Variants in RARB observed in about 807,000 individuals in gnomAD.
RARB encodes the protein HBV-activated protein.
In RARB, 17 loss-of-function variants were observed where a neutral mutation model predicts 51.9. That is an observed-to-expected ratio of 0.33 (90% CI 0.22 to 0.49). The LOEUF (loss-of-function observed/expected upper bound fraction) is 0.49, where lower values mean the gene tolerates loss of function less well. Among genes scored for constraint, RARB ranks in the 20% least tolerant of loss-of-function variants. The pLI is 0.99. For synonymous variants in RARB, 215 were observed against 195.4 expected, an observed-to-expected ratio of 1.10 and a Z score of -0.84; for missense variants, 369 against 550.8, an observed-to-expected ratio of 0.67 and a Z score of 3.30.
At chr3:25,543,750 G>A (rs866519843) in intron 3 of RARB, among the ~76,000 whole-genome samples, 4 of 152,310 alleles carry the variant, frequency 2.6e-5, no homozygotes, top group Admixed American at 1.3e-4. Flanking sequence ...GACGAGAAGA[G>A]CAGTCAGCTC....
At chr3:25,259,037 G>A (rs1702935226) in intron 5 of RARB, 1 of 985,116 alleles carries the variant, frequency 1.0e-6, no homozygotes, top group African/African-American at 1.7e-5. Context: ...GATATTAGTA[G>A]GCAGGAACCA....
At chr3:24,913,146 A>G (rs973234130) in intron 2 of RARB, among the ~76,000 whole-genome samples, 1 of 150,942 alleles carries the variant, frequency 6.6e-6, no homozygotes, top group African/African-American at 2.4e-5. Flanking sequence ...ACGCCCGGCT[A>G]ATTTTGTTTT....
At chr3:25,066,489 A>AG (rs1698664738) in intron 3 of RARB, among the ~76,000 whole-genome samples, 1 of 152,196 alleles carries the variant, frequency 6.6e-6, no homozygotes, top group South Asian at 2.1e-4. Context: ...CAGTATGGGC[A>AG]AATCCAGGAG....
intron 3 of RARB, among the ~76,000 whole-genome samples, chr3:25,079,713 G>A (rs928826989): frequency 6.6e-6 from 1 of 151,956 alleles, no homozygotes; most frequent in African/African-American, 2.4e-5. Context: ...TATTACTTTT[G>A]TTTTAGAATA....
chr3:25,135,207 A>G (rs1320758781), intron 4 of RARB, among the ~76,000 whole-genome samples: 1 of 151,984 alleles, frequency 6.6e-6, no homozygotes, highest in East Asian at 1.9e-4. Context: ...TTGAGCGCTC[A>G]AAAATAGCTA....
At chr3:25,344,270 G>T (rs1409001130) in intron 5 of RARB, among the ~76,000 whole-genome samples, 1 of 152,044 alleles carries the variant, frequency 6.6e-6, no homozygotes, top group African/African-American at 2.4e-5. Context: ...GAAAAAATTT[G>T]GTGCTTTGTT....
chr3:25,444,336 G>T (rs1394012484), intron 1 of RARB, among the ~76,000 whole-genome samples: 1 of 152,212 alleles, frequency 6.6e-6, no homozygotes, highest in African/African-American at 2.4e-5. Flanking sequence ...AGGGAAGAGG[G>T]ATGGGGAAGA....
intron 5 of RARB, among the ~76,000 whole-genome samples, chr3:25,381,978 C>A (rs1559379056): frequency 6.6e-6 from 1 of 152,196 alleles, no homozygotes; most frequent in Non-Finnish European, 1.5e-5. Flanking sequence ...ACCAGCAACA[C>A]CCCGAGCCAT....
chr3:25,107,215 C>G (rs962947931), intron 3 of RARB, among the ~76,000 whole-genome samples: 74 of 152,076 alleles, frequency 4.9e-4, no homozygotes, highest in African/African-American at 1.8e-3. Flanking sequence ...CTGCCTTTTC[C>G]TTTGCCATCA....
intron 5 of RARB, among the ~76,000 whole-genome samples, chr3:25,413,941 A>G (rs1477681011): frequency 1.3e-5 from 2 of 152,216 alleles, no homozygotes; most frequent in Non-Finnish European, 2.9e-5. Context: ...TAAAGTGTAA[A>G]ATGTGTAAGT....
At chr3:24,923,205 T>C (rs1451005237) in intron 2 of RARB, among the ~76,000 whole-genome samples, 2 of 152,186 alleles carry the variant, frequency 1.3e-5, no homozygotes, top group East Asian at 3.9e-4. Flanking sequence ...CATAAATATA[T>C]AGTTTAATTC....
intron 2 of RARB, among the ~76,000 whole-genome samples, chr3:24,893,045 G>C (rs1418113235): frequency 1.3e-5 from 2 of 152,138 alleles, no homozygotes; most frequent in Non-Finnish European, 2.9e-5. Flanking sequence ...ATAATACTAG[G>C]GTGATGTTTA....
At chr3:25,288,947 A>G (rs1703719201) in intron 5 of RARB, among the ~76,000 whole-genome samples, 1 of 152,114 alleles carries the variant, frequency 6.6e-6, no homozygotes, top group East Asian at 1.9e-4. Context: ...CAGCCCTCAT[A>G]CTTCACCTAT....
chr3:25,479,807 G>A (rs987322487), intron 2 of RARB, among the ~76,000 whole-genome samples: 1 of 152,114 alleles, frequency 6.6e-6, no homozygotes, highest in African/African-American at 2.4e-5. Context: ...CTCTTCTACT[G>A]GATGTTTTTG....
intron 2 of RARB, among the ~76,000 whole-genome samples, chr3:25,002,684 T>A (rs887140931): frequency 2.6e-5 from 4 of 152,132 alleles, no homozygotes; most frequent in Non-Finnish European, 5.9e-5. Context: ...GTATATATAG[T>A]AAATATGTAC....
At chr3:25,028,674 C>G (rs1372991086) in intron 2 of RARB, among the ~76,000 whole-genome samples, 1 of 152,230 alleles carries the variant, frequency 6.6e-6, no homozygotes, top group African/African-American at 2.4e-5. Flanking sequence ...GAGAGGAAAC[C>G]TGGTTTACCG....
intron 2 of RARB, among the ~76,000 whole-genome samples, chr3:24,993,229 T>A (rs1696951735): frequency 6.6e-6 from 1 of 152,172 alleles, no homozygotes. Flanking sequence ...AAAAATGGTG[T>A]AGAATATGTT....
At chr3:25,570,817 A>G (rs949562714) in intron 4 of RARB, among the ~76,000 whole-genome samples, 8 of 152,196 alleles carry the variant, frequency 5.3e-5, no homozygotes, top group African/African-American at 1.9e-4. Flanking sequence ...CTACAATGCT[A>G]TGGTAAACAT....
At chr3:25,242,357 G>A (rs1026613930) in intron 5 of RARB, among the ~76,000 whole-genome samples, 4 of 152,142 alleles carry the variant, frequency 2.6e-5, no homozygotes, top group African/African-American at 9.7e-5. Flanking sequence ...TGCTTTTGGT[G>A]TTTTGGTCAT....
Sources: allele counts gnomAD v4.1 joint callset (sites outside exome capture counted in the v4.1 genomes callset), GRCh38; gene constraint gnomAD v4.1.1; transcripts MANE v1.5; gene names NCBI Gene and HGNC (gene_info 2026-07-23, HGNC 2026-07-21).